EVC: variants seen among roughly 807,000 people sequenced by gnomAD.
EVC encodes evC complex member EVC.
A neutral mutation model predicts 118.9 loss-of-function variants in EVC; 116 were observed. The observed-to-expected ratio is 0.98, with a 90% CI of 0.84 to 1.14. The LOEUF is 1.14. Ranked by LOEUF, EVC falls within the 50% of genes most tolerant of loss-of-function variation. EVC has a pLI of 0.00. For synonymous variants in EVC, 619 were observed against 534.7 expected (o/e 1.16, Z -2.18); for missense variants, 1,401 against 1,246.4 (o/e 1.12, Z -1.87).
Position 5,754,020 on chromosome 4 carries a change from C to A in EVC, c.1464+87C>A. On this transcript the variant is annotated intron_variant, in intron 10 of 20. Coordinates refer to ENST00000264956, the MANE Select transcript of EVC (RefSeq NM_153717.3). The surrounding 1 kb of genome is among the most constrained non-coding windows in gnomAD (Gnocchi z 5.8). ...CTGAGCACGGGACGCCGGAGGTATT[C>A]ATCAGGCATGAGGTTATCTGCCTAC... is the stretch of plus-strand genomic sequence containing the variant. The A allele has an allele frequency of 6.4e-7, 1 of 1,556,858 alleles. No homozygotes were observed. Among genetic ancestry groups the A allele is most frequent in the South Asian group, 1.1e-5 (1 of 89,020 alleles).
chr4:5,796,479 GCTGATT>G (rs976345940), intron 13 of EVC, among the ~76,000 whole-genome samples: 2 of 152,000 alleles, frequency 1.3e-5, no homozygotes, highest in Non-Finnish European at 2.9e-5. Flanking sequence ...TTGGAATTTA[GCTGATT>G]CTGAATTAGG....
At chr4:5,736,506 A>ATTTT (rs60275784) in intron 5 of EVC, among the ~76,000 whole-genome samples, 3 of 136,180 alleles carry the variant, frequency 2.2e-5, no homozygotes, top group East Asian at 2.2e-4. Context: ...GAGATGCTGC[A>ATTTT]TTTTTTTTTT....
chr4:5,819,391 G>A, the EVC span, among the ~76,000 whole-genome samples: 1 of 152,192 alleles, frequency 6.6e-6, no homozygotes, highest in Non-Finnish European at 1.5e-5. Flanking sequence ...ATCTCAAGAG[G>A]TAAAAGGAAG....
rs763546632 is a variant in EVC at position 5,801,956 on chromosome 4, C to A, written c.2311C>A (p.Leu771Met). Reference sequence around the variant, plus strand: ...CCTTCCTTTCTTCCCTCAGAGGACACTGATGGAGGCGGCAGTGGAGAGCGT... The same window carrying A: ...CCTTCCTTTCTTCCCTCAGAGGACAATGATGGAGGCGGCAGTGGAGAGCGT... The part of the protein sequence containing the change: ...AKDRDDFKRT[L>M]MEAAVESVYV... The change falls in exon 16 of 21, where the codon CTG becomes ATG. Residue 771 changes from leucine (L) to methionine (M), a missense_variant. Transcript: ENST00000264956. 16 of 1,613,454 alleles carry A rather than the reference C, an allele frequency of 9.9e-6. No individual in the cohort carries two copies. The highest frequency in any genetic ancestry group is 1.4e-5 in the Non-Finnish European group (16 of 1,179,962).
At chr4:5,775,145 A>G (rs1194609814) in intron 11 of EVC, among the ~76,000 whole-genome samples, 4 of 152,170 alleles carry the variant, frequency 2.6e-5, no homozygotes, top group Admixed American at 1.3e-4. Context: ...GAGTCCAAGA[A>G]TGACAGTCAA....
At chr4:5,751,730 G>C (rs545692446) in intron 8 of EVC, among the ~76,000 whole-genome samples, 41 of 152,306 alleles carry the variant, frequency 2.7e-4, no homozygotes, top group African/African-American at 9.6e-4. Context: ...GGGCAGTGGA[G>C]AACAGAGTAG....
At chr4:5,744,948 G>T (rs537487551) in intron 6 of EVC, among the ~76,000 whole-genome samples, 1 of 147,478 alleles carries the variant, frequency 6.8e-6, no homozygotes, top group East Asian at 2.0e-4. Context: ...CTATTTTATT[G>T]ATTTTTAAAG....
At chr4:5,801,233 G>T (rs1714916044) in intron 15 of EVC, among the ~76,000 whole-genome samples, 1 of 152,220 alleles carries the variant, frequency 6.6e-6, no homozygotes, top group Admixed American at 6.5e-5. Flanking sequence ...GAGGACGAGG[G>T]TCTTTGTTTC....
In EVC at chr4:5,801,740, T is replaced by C. The variant is rs557198379; in HGVS notation, c.2305-210T>C. On this transcript the variant is annotated intron_variant, in intron 15 of 20. Transcript: ENST00000264956. ...CGACTTTCCCTAACATCGCATTTCA[T>C]TGGCTCTAGACATCCCTGACCTAAG... 3.0e-5 allele frequency: 17 copies of C among 559,486 alleles called. No individual in the cohort carries two copies. The Admixed American group carries it at 4.2e-4, about 14-fold the overall frequency. 34.7% of individuals were successfully genotyped at this position (559,486 alleles called of 1,614,324 possible).
the EVC span, chr4:5,825,949 T>TATGCATGCACATGCAGTCATGCACACAC: frequency 4.5e-5 from 20 of 448,366 alleles, no homozygotes; most frequent in African/African-American, 1.3e-4. This position sits in a 1 kb window ranked among gnomAD's most constrained non-coding sequence, Gnocchi z 4.4. Context: ...CATGCACACA[T>TATGCATGCACATGCAGTCATGCACACAC]ATATGCATGC....
At chr4:5,721,608 C>G (rs563856464) in intron 2 of EVC, among the ~76,000 whole-genome samples, 1 of 152,188 alleles carries the variant, frequency 6.6e-6, no homozygotes, top group East Asian at 1.9e-4. Flanking sequence ...TGGCTCATGC[C>G]TGTAATCCCA....
rs1032867687 is a variant in EVC at position 5,743,940 on chromosome 4, T to C, written c.802-1264T>C. ...GGTATTAGTAATAATGAAACAATACTGTCTGTTATAATAGAAAGAATAAGA... is the reference window on the plus strand; with the variant it reads ...GGTATTAGTAATAATGAAACAATACCGTCTGTTATAATAGAAAGAATAAGA... On this transcript the variant is annotated intron_variant, in intron 6 of 20. Transcript: ENST00000264956. This position sits in a 1 kb window ranked among gnomAD's most constrained non-coding sequence, Gnocchi z 4.7. Among the ~76,000 whole-genome samples the C allele has an allele frequency of 7.2e-4, 107 of 149,574 alleles. 1 individual carries two copies. The highest frequency in any genetic ancestry group is 3.4e-3 in the Middle Eastern group (1 of 294).
chr4:5,808,135 C>CTCCA, intron 17 of EVC, 66 bp from the exon 18 acceptor site: 1 of 515,902 alleles, frequency 1.9e-6, no homozygotes, highest in South Asian at 1.7e-5. Flanking sequence ...TTCCTTCTCC[C>CTCCA]TCCCTCCCTC....
intron 18 of EVC, 96 bp downstream of exon 18, chr4:5,808,423 C>G: frequency 1.3e-6 from 2 of 1,561,242 alleles, no homozygotes; most frequent in Non-Finnish European, 1.7e-6. Context: ...GCCATGGGGA[C>G]TGCACTTCCC....
chr4:5,820,294 TCACCATCAC>T, the EVC span, among the ~76,000 whole-genome samples: 11 of 151,806 alleles, frequency 7.2e-5, no homozygotes, highest in Non-Finnish European at 1.5e-4. Flanking sequence ...GTCACCATCA[TCACCATCAC>T]CACCATCATT....
intron 9 of EVC, among the ~76,000 whole-genome samples, 175 bp downstream of exon 9, chr4:5,753,227 C>T (rs999660320): frequency 6.6e-6 from 1 of 152,216 alleles, no homozygotes; most frequent in Non-Finnish European, 1.5e-5. Context: ...GGCTCTCTTC[C>T]CTTCTCTGTA....
chr4:5,774,049 C>A (rs1041932177), intron 11 of EVC, among the ~76,000 whole-genome samples: 1 of 151,906 alleles, frequency 6.6e-6, no homozygotes, highest in African/African-American at 2.4e-5. Context: ...TTTCTTGAAC[C>A]CCACCATGGT....
At chr4:5,718,967 T>C (rs1724462906) in intron 1 of EVC, among the ~76,000 whole-genome samples, 1 of 152,188 alleles carries the variant, frequency 6.6e-6, no homozygotes, top group East Asian at 1.9e-4. Flanking sequence ...TTGCTCTGCC[T>C]CTTGCCTCAA....
chr4:5,810,278 C>T (rs1291249215), intron 19 of EVC, 61 bp from the exon 20 acceptor site: 1 of 1,368,314 alleles, frequency 7.3e-7, no homozygotes, highest in East Asian at 2.3e-5. Context: ...TGTGAGGCTG[C>T]AAGAAGTTGT....
Sources: gnomAD v4.1 joint callset for allele counts (sites outside exome capture counted in the v4.1 genomes callset) on GRCh38, gnomAD v4.1.1 for gene constraint, Gnocchi (gnomAD v3.1) non-coding constraint, MANE v1.5 for transcripts, NCBI Gene and HGNC (gene_info 2026-07-23, HGNC 2026-07-21) for gene names.